STIM1: variants seen among roughly 807,000 people sequenced by gnomAD.
STIM1 encodes the protein stromal interaction molecule 1.
In STIM1, 25 loss-of-function variants were observed where a neutral mutation model predicts 74.7. The ratio of observed to expected loss-of-function variants is 0.33; its 90% CI spans 0.24 to 0.47. The LOEUF (loss-of-function observed/expected upper bound fraction) is 0.47, where lower values mean the gene tolerates loss of function less well. STIM1 is among the 20% of genes least tolerant of loss of function. The probability of loss-of-function intolerance (pLI) is 1.00; values close to 1 mark genes in which losing one functional copy is unlikely to be tolerated. For missense variants in STIM1, 728 were observed against 920.8 expected (o/e 0.79, Z 2.71); for synonymous variants, 328 against 348.8 (o/e 0.94, Z 0.66).
At chr11:3,854,845 A>T (rs973382210), upstream of STIM1, 2 of 152,280 alleles carry the variant, frequency 1.3e-5, no homozygotes, top group Non-Finnish European at 2.9e-5. Flanking sequence ...GACTCAAGGA[A>T]TGTGTAGGGG....
chr11:4,043,577 A>C (rs1174988213), intron 3 of STIM1, among the ~76,000 whole-genome samples: 1 of 152,210 alleles, frequency 6.6e-6, no homozygotes, highest in African/African-American at 2.4e-5. Flanking sequence ...TTTATGTTGT[A>C]CTTATTTTTA....
chr11:3,862,122 A>G (rs1483304604), intron 1 of STIM1, among the ~76,000 whole-genome samples: 1 of 152,178 alleles, frequency 6.6e-6, no homozygotes, highest in Admixed American at 6.5e-5. Context: ...AAAAATCATG[A>G]AATATTAAGA....
chr11:3,993,793 A>C (rs544797573), intron 2 of STIM1, among the ~76,000 whole-genome samples: 1 of 152,224 alleles, frequency 6.6e-6, no homozygotes, highest in Non-Finnish European at 1.5e-5. Context: ...TGGCACCCAG[A>C]TCTTCATTAT....
chr11:4,051,467 C>T (rs550587904), intron 3 of STIM1, among the ~76,000 whole-genome samples: 17 of 151,792 alleles, frequency 1.1e-4, no homozygotes, highest in Admixed American at 7.9e-4. Context: ...CTCAGCCTCC[C>T]GAGTAGCTGG....
chr11:4,043,852 T>C (rs1378773268), intron 3 of STIM1, among the ~76,000 whole-genome samples: 1 of 151,934 alleles, frequency 6.6e-6, no homozygotes, highest in African/African-American at 2.4e-5. Flanking sequence ...CTGTCTCTAC[T>C]AAAAATACAA....
At chr11:3,862,447 A>G (rs1260826146) in intron 1 of STIM1, among the ~76,000 whole-genome samples, 1 of 152,148 alleles carries the variant, frequency 6.6e-6, no homozygotes, top group African/African-American at 2.4e-5. Flanking sequence ...GTAGAATTGC[A>G]TTCTACAGGT....
At chr11:4,090,651 G>A (rs1246324563) in intron 12 of STIM1, among the ~76,000 whole-genome samples, 1 of 152,230 alleles carries the variant, frequency 6.6e-6, no homozygotes, top group Non-Finnish European at 1.5e-5. Context: ...ATCCTAAGGT[G>A]TGACAGGAGT....
At chr11:3,856,967 A>G (rs531609438) in intron 1 of STIM1, among the ~76,000 whole-genome samples, 1 of 152,168 alleles carries the variant, frequency 6.6e-6, no homozygotes, top group African/African-American at 2.4e-5. Context: ...GGTTTCTTAG[A>G]TGGAATCCTA....
chr11:4,010,062 A>C (rs1452883293), intron 2 of STIM1, among the ~76,000 whole-genome samples: 1 of 151,800 alleles, frequency 6.6e-6, no homozygotes, highest in Non-Finnish European at 1.5e-5. Flanking sequence ...ATCTCCTTCC[A>C]CCTCGGCCTC....
chr11:4,017,783 C>G (rs1370613153), intron 2 of STIM1, among the ~76,000 whole-genome samples: 2 of 152,212 alleles, frequency 1.3e-5, no homozygotes, highest in Admixed American at 1.3e-4. Flanking sequence ...TATCCCAATT[C>G]TGACAAATTC....
chr11:3,895,608 C>CTCTTTCTTTCTTTCTTTCTTTCTTTCTT (rs1157112648), intron 1 of STIM1, among the ~76,000 whole-genome samples: 1 of 53,124 alleles, frequency 1.9e-5, no homozygotes, highest in African/African-American at 1.1e-4. Flanking sequence ...TTCTTTCTCT[C>CTCTTTCTTTCTTTCTTTCTTTCTTTCTT]TCTTTCTTTC....
chr11:3,901,685 G>A (rs1403083577), intron 1 of STIM1, among the ~76,000 whole-genome samples: 2 of 152,162 alleles, frequency 1.3e-5, no homozygotes, highest in East Asian at 3.8e-4. Context: ...TAATCCACCA[G>A]TCCCTGGTTA....
rs5789317 is a variant in STIM1, at chr11:3,937,290, C to CAATAATAATAATAATAATAATAATAAT, written c.140-30259_140-30233dup. 1.2e-4 allele frequency among the ~76,000 whole-genome samples: 16 copies of CAATAATAATAATAATAATAATAATAAT among 133,084 alleles called. No individual in the cohort carries two copies. The East Asian group carries it at 1.8e-3, about 15-fold the overall frequency. The allele number at this position is 133,084 out of a possible 152,430, so 87.3% of individuals were successfully genotyped here. On this transcript the variant is annotated intron_variant, in intron 1 of 12. Transcript: ENST00000526596. ...TGGGCAACAGAGCGAGACTTCATCTCAATAATAATAATAATAATAATAATA... is the reference window on the plus strand; with the variant it reads ...TGGGCAACAGAGCGAGACTTCATCTCAATAATAATAATAATAATAATAATAATAATAATAATAATAATAATAATAATA...
chr11:3,954,325 A>C (rs913227086), intron 1 of STIM1, among the ~76,000 whole-genome samples: 1 of 152,132 alleles, frequency 6.6e-6, no homozygotes, highest in Non-Finnish European at 1.5e-5. Flanking sequence ...GAATTTGTTC[A>C]TTCAACAAGT....
At chr11:3,942,767 C>T (rs192213869) in intron 1 of STIM1, among the ~76,000 whole-genome samples, 38 of 152,286 alleles carry the variant, frequency 2.5e-4, no homozygotes, top group Non-Finnish European at 4.9e-4. Flanking sequence ...TTTTGGCTGG[C>T]TTTAAGTCTC....
intron 1 of STIM1, among the ~76,000 whole-genome samples, chr11:3,885,387 A>T (rs1007161473): frequency 2.0e-5 from 3 of 151,850 alleles, no homozygotes; most frequent in Admixed American, 6.6e-5. Flanking sequence ...GGGTTTTGCC[A>T]TGTTGCCTAG....
chr11:4,042,864 G>C (rs1590668896), intron 3 of STIM1, among the ~76,000 whole-genome samples: 1 of 152,128 alleles, frequency 6.6e-6, no homozygotes, highest in Admixed American at 6.5e-5. Context: ...TAAATCCTAG[G>C]CATCTCAAAC....
At chr11:4,003,615 G>A (rs1311990119) in intron 2 of STIM1, among the ~76,000 whole-genome samples, 17 of 152,012 alleles carry the variant, frequency 1.1e-4, no homozygotes, top group African/African-American at 2.4e-4. Flanking sequence ...ATCTATGACA[G>A]ACCCACAGCC....
At chr11:3,909,680 C>A (rs1328882675) in intron 1 of STIM1, among the ~76,000 whole-genome samples, 2 of 151,594 alleles carry the variant, frequency 1.3e-5, no homozygotes, top group Non-Finnish European at 2.9e-5. Context: ...AAAAATTAGC[C>A]TGGTGCGGTG....
Sources: allele counts gnomAD v4.1 joint callset (sites outside exome capture counted in the v4.1 genomes callset), GRCh38; gene constraint gnomAD v4.1.1; transcripts MANE v1.5; gene names NCBI Gene and HGNC (gene_info 2026-07-23, HGNC 2026-07-21).